The following ARFGEF2 variants were observed in gnomAD, a reference collection of about 807,000 sequenced individuals.
ARFGEF2 encodes the protein brefeldin A-inhibited guanine nucleotide-exchange protein 2.
In ARFGEF2, 74 loss-of-function variants were observed where a neutral mutation model predicts 219.9. That is an observed-to-expected ratio of 0.34 (90% confidence interval 0.28 to 0.41). The LOEUF is 0.41. ARFGEF2 is among the 10% of genes least tolerant of loss of function. ARFGEF2 has a pLI of 1.00. For synonymous variants in ARFGEF2, 733 were observed against 799.2 expected, an observed-to-expected ratio of 0.92 and a Z score of 1.40; for missense variants, 1,743 against 2,218.3, an observed-to-expected ratio of 0.79 and a Z score of 4.30.
chr20:48,950,811 A>AAAAAAAATATAT (rs1176537072), intron 3 of ARFGEF2, among the ~76,000 whole-genome samples: 8 of 64,478 alleles, frequency 1.2e-4, no homozygotes, highest in African/African-American at 5.2e-4. Flanking sequence ...AAAAAAAAAA[A>AAAAAAAATATAT]ATATATATAT....
intron 38 of ARFGEF2, 21 bp from the exon 39 acceptor site, chr20:49,033,000 ATC>A (rs1467422061): frequency 3.7e-6 from 6 of 1,610,172 alleles, no homozygotes; most frequent in African/African-American, 1.3e-5. Flanking sequence ...GTCTAATTTT[ATC>A]TGTTTCTCTC....
At chr20:48,999,764 A>G (rs2024958) in intron 25 of ARFGEF2, among the ~76,000 whole-genome samples, 15 of 150,242 alleles carry the variant, frequency 1.0e-4, no homozygotes, top group South Asian at 2.1e-4. Context: ...AAAAAAAAAA[A>G]AAAAGAAATG....
intron 37 of ARFGEF2, among the ~76,000 whole-genome samples, chr20:49,029,640 G>A (rs1161894363): frequency 6.6e-6 from 1 of 151,476 alleles, no homozygotes; most frequent in Non-Finnish European, 1.5e-5. Context: ...CGCCCAGGCT[G>A]GAGTGCAGTG....
chr20:49,019,106 T>A, intron 34 of ARFGEF2, 108 bp downstream of exon 34: 1 of 922,576 alleles, frequency 1.1e-6, no homozygotes, highest in Non-Finnish European at 1.7e-6. Context: ...GCCCTGTGCC[T>A]CAGTCTGCCA....
At chr20:48,969,112 C>T (rs770089036) in intron 8 of ARFGEF2, 35 bp from the exon 9 acceptor site, 1 of 1,605,450 alleles carries the variant, frequency 6.2e-7, no homozygotes, top group South Asian at 1.1e-5. Context: ...AGGTGGGTGC[C>T]ACCACACCCA....
chr20:48,941,412 C>T (rs2090992544), intron 2 of ARFGEF2, among the ~76,000 whole-genome samples, 183 bp downstream of exon 2: 1 of 152,232 alleles, frequency 6.6e-6, no homozygotes. Flanking sequence ...GCTAGGTTCA[C>T]AGGCTACTGC....
intron 6 of ARFGEF2, among the ~76,000 whole-genome samples, chr20:48,959,409 T>TCCCTCCC (rs1568705158): frequency 1.6e-5 from 1 of 63,416 alleles, no homozygotes; most frequent in Non-Finnish European, 3.1e-5. Context: ...CCCTCCTTCC[T>TCCCTCCC]TCCCTCCCTC....
chr20:48,945,234 C>T (rs967428628), intron 3 of ARFGEF2, among the ~76,000 whole-genome samples: 4 of 152,198 alleles, frequency 2.6e-5, no homozygotes, highest in African/African-American at 9.7e-5. Flanking sequence ...GGGACACAAA[C>T]TTTCAGTCTG....
At chr20:48,991,342 G>T in intron 21 of ARFGEF2, 144 bp downstream of exon 21, 1 of 1,218,556 alleles carries the variant, frequency 8.2e-7, no homozygotes, top group South Asian at 1.3e-5. Flanking sequence ...CCTCTCTGGG[G>T]CTGTGAAAGG....
chr20:48,932,906 T>G (rs1188200348), intron 1 of ARFGEF2, among the ~76,000 whole-genome samples: 1 of 152,080 alleles, frequency 6.6e-6, no homozygotes. Flanking sequence ...CTGCGACAGA[T>G]AGAAGTCTGA....
chr20:48,972,294 T>C lies in ARFGEF2; in HGVS notation c.1426-32T>C, dbSNP rs912937702. On this transcript the variant is annotated intron_variant, in intron 10 of 38. Coordinates refer to ENST00000371917, the MANE Select transcript of ARFGEF2 (RefSeq NM_006420.3). ...TTTGAGCCCTGGTTGAAACTGTTAATTAGTGTCCTCCTTTGTCTTTATGTC... is the reference window on the plus strand; with the variant it reads ...TTTGAGCCCTGGTTGAAACTGTTAACTAGTGTCCTCCTTTGTCTTTATGTC... The C allele has an allele frequency of 2.0e-6, 3 of 1,497,746 alleles. No homozygotes were observed. In the African/African-American group the frequency reaches 4.1e-5, roughly 21 times the overall value. 92.8% of individuals were successfully genotyped at this position (1,497,746 alleles called of 1,614,324 possible). A position where few individuals can be genotyped will look rare whatever the true frequency, so the allele number is the denominator to read the frequency against.
chr20:48,959,579 T>TTCCC (rs2091132355), intron 6 of ARFGEF2, among the ~76,000 whole-genome samples: 2 of 44,248 alleles, frequency 4.5e-5, no homozygotes, highest in African/African-American at 2.0e-4. Flanking sequence ...CCCTCCTTCC[T>TTCCC]TCCCTCCCTC....
intron 1 of ARFGEF2, among the ~76,000 whole-genome samples, chr20:48,932,970 G>T (rs1469006495): frequency 6.6e-6 from 1 of 152,212 alleles, no homozygotes; most frequent in African/African-American, 2.4e-5. Flanking sequence ...TGATGGGATT[G>T]TTGGGCAGTG....
chr20:48,994,228 G>A (rs1443170318), intron 21 of ARFGEF2, among the ~76,000 whole-genome samples: 1 of 152,134 alleles, frequency 6.6e-6, no homozygotes, highest in East Asian at 1.9e-4. Flanking sequence ...AAGGAGGTGG[G>A]GGTGACTAAA....
chr20:48,949,750 T>A (rs2091053123), intron 3 of ARFGEF2, among the ~76,000 whole-genome samples: 1 of 152,124 alleles, frequency 6.6e-6, no homozygotes, highest in South Asian at 2.1e-4. Context: ...GGCTGCTCTA[T>A]AGATAACCTC....
chr20:48,963,459 G>A (rs2091167457), intron 6 of ARFGEF2, among the ~76,000 whole-genome samples: 1 of 152,178 alleles, frequency 6.6e-6, no homozygotes, highest in Non-Finnish European at 1.5e-5. Context: ...CGAGGCTAAG[G>A]CACAAGAGAA....
chr20:48,941,313 T>G, intron 2 of ARFGEF2, 84 bp downstream of exon 2: 6 of 1,394,394 alleles, frequency 4.3e-6, no homozygotes, highest in African/African-American at 1.4e-5. Flanking sequence ...TCTGCTTGGT[T>G]TCTCATATTT....
chr20:49,025,239 G>A (rs1260827617), intron 35 of ARFGEF2, 74 bp from the exon 36 acceptor site: 16 of 1,499,952 alleles, frequency 1.1e-5, no homozygotes, highest in East Asian at 9.7e-5. Context: ...CATGACTGCC[G>A]TTGTCTGCAA....
intron 23 of ARFGEF2, 186 bp from the exon 24 acceptor site, chr20:48,998,007 G>A (rs897377010): frequency 3.6e-5 from 21 of 591,080 alleles, no homozygotes; most frequent in African/African-American, 5.5e-5. Flanking sequence ...ACAGGTGCCC[G>A]CCACCACGCC....
Sources: allele counts gnomAD v4.1 joint callset (sites outside exome capture counted in the v4.1 genomes callset), GRCh38; gene constraint gnomAD v4.1.1; transcripts MANE v1.5; gene names NCBI Gene and HGNC (gene_info 2026-07-23, HGNC 2026-07-21).